The following LRP12 variants were observed in gnomAD, a reference collection of about 807,000 sequenced individuals.
LRP12 encodes low-density lipoprotein receptor-related protein 12.
Under a neutral mutation model 66.0 loss-of-function variants are expected in LRP12, and 14 were observed. The ratio of observed to expected loss-of-function variants is 0.21; its 90% CI spans 0.14 to 0.33. LRP12 has a LOEUF of 0.33. Ranked by LOEUF, LRP12 falls within the 10% of genes least tolerant of loss-of-function variation. The pLI, the probability that LRP12 is intolerant of heterozygous loss-of-function variation, is 1.00. For synonymous variants in LRP12, 357 were observed against 359.1 expected (o/e 0.99, Z 0.07); for missense variants, 889 against 1,053.4 (o/e 0.84, Z 2.16).
At chr8:104,520,363 T>C (rs959539109) in intron 2 of LRP12, among the ~76,000 whole-genome samples, 1 of 152,178 alleles carries the variant, frequency 6.6e-6, no homozygotes, top group East Asian at 1.9e-4. Flanking sequence ...AGCAAGCTAC[T>C]ACTATTTCCC....
intron 2 of LRP12, among the ~76,000 whole-genome samples, chr8:104,514,047 T>C (rs1162612779): frequency 6.6e-6 from 1 of 152,134 alleles, no homozygotes; most frequent in Non-Finnish European, 1.5e-5. Context: ...AATTGAAGAA[T>C]ACTACAGGCG....
Position 104,499,083 on chromosome 8 carries a change from TA to T in LRP12, c.475+233del, listed in dbSNP as rs1198741730. ...TTAGAATAAATGTATTTAAGATGTT[TA>T]AAAAGAAAATTAACCTTAGTATATG... On this transcript the variant is annotated intron_variant, in intron 4 of 6. Transcript: ENST00000276654. Among the ~76,000 whole-genome samples the T allele has an allele frequency of 2.6e-5, 4 of 152,350 alleles. No homozygotes were observed. The East Asian group carries it at 7.7e-4, about 29-fold the overall frequency.
chr8:104,552,725 A>G (rs1298636276), intron 1 of LRP12, among the ~76,000 whole-genome samples: 8 of 152,208 alleles, frequency 5.3e-5, no homozygotes, highest in Non-Finnish European at 2.9e-5. Context: ...AAGAAAAAAA[A>G]TGGTGCACAG....
rs1288611815 is a variant in LRP12 at position 104,589,207 on chromosome 8, G to C, written c.-310C>G. On this transcript the variant is annotated 5_prime_UTR_variant, in exon 1 of 7. Coordinates refer to ENST00000276654, the MANE Select transcript of LRP12 (RefSeq NM_013437.5). ...GCGAGACGAGAGGGTGGCGGACGCCGGACTCCGGCCTCGCGCCGCTCGGGC... is the reference window on the plus strand; with the variant it reads ...GCGAGACGAGAGGGTGGCGGACGCCCGACTCCGGCCTCGCGCCGCTCGGGC... Among the ~76,000 whole-genome samples the C allele has an allele frequency of 1.3e-5, 2 of 151,642 alleles. No individual in the cohort carries two copies. Among genetic ancestry groups the C allele is most frequent in the Admixed American group, 1.3e-4 (2 of 15,250 alleles).
intron 6 of LRP12, among the ~76,000 whole-genome samples, chr8:104,492,102 A>T (rs969716151): frequency 2.0e-5 from 3 of 152,124 alleles, no homozygotes; most frequent in African/African-American, 4.8e-5. Context: ...ATTTAATTAT[A>T]TTGTCACAAA....
chr8:104,575,538 C>G (rs1588510571), intron 1 of LRP12, among the ~76,000 whole-genome samples: 1 of 152,122 alleles, frequency 6.6e-6, no homozygotes, highest in Admixed American at 6.5e-5. Flanking sequence ...CTAAAATCTT[C>G]CAGAAATGAA....
At chr8:104,517,941 C>T (rs1279717510) in intron 2 of LRP12, among the ~76,000 whole-genome samples, 2 of 152,072 alleles carry the variant, frequency 1.3e-5, no homozygotes, top group Non-Finnish European at 2.9e-5. Context: ...TCATTCAATA[C>T]ATGGAAAATA....
chr8:104,547,404 C>A (rs1332620899), intron 1 of LRP12, among the ~76,000 whole-genome samples: 2 of 127,590 alleles, frequency 1.6e-5, no homozygotes, highest in Admixed American at 8.2e-5. Flanking sequence ...ATATACAATT[C>A]TGTTATATTT....
intron 3 of LRP12, among the ~76,000 whole-genome samples, chr8:104,500,707 AAAACAAAACC>A (rs544665351): frequency 2.4e-4 from 36 of 151,074 alleles, no homozygotes; most frequent in Non-Finnish European, 4.3e-4. Context: ...CGTCTCAAAC[AAAACAAAACC>A]AAACAAAACC....
At chr8:104,512,266 G>T (rs1394422008) in intron 2 of LRP12, among the ~76,000 whole-genome samples, 1 of 152,174 alleles carries the variant, frequency 6.6e-6, no homozygotes, top group African/African-American at 2.4e-5. Flanking sequence ...GCAGTAAGCT[G>T]AGATCGTGCC....
chr8:104,511,637 A>G (rs1438099771), intron 2 of LRP12, among the ~76,000 whole-genome samples: 1 of 152,248 alleles, frequency 6.6e-6, no homozygotes, highest in Non-Finnish European at 1.5e-5. Context: ...GATCAAAATA[A>G]AACAAGCTAT....
intron 1 of LRP12, among the ~76,000 whole-genome samples, chr8:104,547,652 A>ATTTTT (rs1811610944): frequency 5.0e-5 from 6 of 118,954 alleles, no homozygotes; most frequent in Admixed American, 4.6e-4. Context: ...TAATAATTAA[A>ATTTTT]ATATAATATA....
intron 6 of LRP12, among the ~76,000 whole-genome samples, chr8:104,492,145 GACA>G (rs1415525500): frequency 6.6e-6 from 1 of 151,920 alleles, no homozygotes; most frequent in African/African-American, 2.4e-5. Flanking sequence ...CAGCACCGAA[GACA>G]ACAAGAAACA....
chr8:104,500,244 G>C (rs1408810897), intron 3 of LRP12, among the ~76,000 whole-genome samples: 1 of 152,108 alleles, frequency 6.6e-6, no homozygotes, highest in Non-Finnish European at 1.5e-5. Context: ...TCACCAAAAA[G>C]TAAAGATCTG....
chr8:104,584,778 T>G (rs1812304790), intron 1 of LRP12, among the ~76,000 whole-genome samples: 1 of 152,212 alleles, frequency 6.6e-6, no homozygotes, highest in African/African-American at 2.4e-5. Context: ...TTAATTCAAT[T>G]TTATTCAACA....
intron 1 of LRP12, among the ~76,000 whole-genome samples, chr8:104,580,963 T>C (rs1812241038): frequency 6.6e-6 from 1 of 152,206 alleles, no homozygotes; most frequent in Admixed American, 6.5e-5. Flanking sequence ...ATTGTTCTAT[T>C]ATAAAGACAC....
chr8:104,514,382 GCTT>G (rs918275245), intron 2 of LRP12, among the ~76,000 whole-genome samples: 1 of 151,794 alleles, frequency 6.6e-6, no homozygotes, highest in African/African-American at 2.4e-5. Context: ...ATTTGAGGTG[GCTT>G]ATTATTATAA....
At chr8:104,547,891 A>G (rs1811621593) in intron 1 of LRP12, among the ~76,000 whole-genome samples, 1 of 128,710 alleles carries the variant, frequency 7.8e-6, no homozygotes, top group Admixed American at 9.0e-5. Context: ...TACATTTTGT[A>G]TATAATATAC....
intron 5 of LRP12, 194 bp from the exon 6 acceptor site, chr8:104,495,403 T>C: frequency 3.8e-6 from 2 of 526,898 alleles, no homozygotes; most frequent in Admixed American, 3.3e-5. Flanking sequence ...AGGCAGTCTG[T>C]CTTCATAGGG....
Sources: allele counts gnomAD v4.1 joint callset (sites outside exome capture counted in the v4.1 genomes callset), GRCh38; gene constraint gnomAD v4.1.1; transcripts MANE v1.5; gene names NCBI Gene and HGNC (gene_info 2026-07-23, HGNC 2026-07-21).